The following DMRT1 variants were observed in gnomAD, a reference collection of about 807,000 sequenced individuals.
DMRT1 encodes the protein doublesex and mab-3 related transcription factor 1, also known as doublesex- and mab-3-related transcription factor 1.
DMRT1 carries 7 observed loss-of-function variants against 32.3 expected under a neutral mutation model. The ratio of observed to expected loss-of-function variants is 0.22; its 90% CI spans 0.12 to 0.41. The LOEUF (loss-of-function observed/expected upper bound fraction) is 0.41, where lower values mean the gene tolerates loss of function less well. DMRT1 is among the 10% of genes least tolerant of loss of function. The pLI is 1.00. For synonymous variants in DMRT1, 278 were observed against 206.1 expected (o/e 1.35, Z -2.99); for missense variants, 625 against 500.5 (o/e 1.25, Z -2.37).
rs1032211481 is a variant in DMRT1 at position 875,101 on chromosome 9, C to T, written c.539-18811C>T. Among the ~76,000 whole-genome samples the T allele has an allele frequency of 6.6e-5, 10 of 152,228 alleles. 1 individual carries two copies. Among genetic ancestry groups the T allele is most frequent in the East Asian group, 1.9e-4 (1 of 5,182 alleles). On this transcript the variant is annotated intron_variant, in intron 2 of 4. Transcript: ENST00000382276. ...CTGGGATTACAGGCGTGAGCCACCG[C>T]GCCCGGCCAACACTTAATCTTAAAA...
At chr9:907,500 C>T (rs1410354333) in intron 3 of DMRT1, among the ~76,000 whole-genome samples, 1 of 152,156 alleles carries the variant, frequency 6.6e-6, no homozygotes, top group Non-Finnish European at 1.5e-5. Context: ...CTGATATGCA[C>T]CAAGACCCTT....
chr9:876,257 G>A (rs1179593209), intron 2 of DMRT1, among the ~76,000 whole-genome samples: 1 of 152,182 alleles, frequency 6.6e-6, no homozygotes, highest in Non-Finnish European at 1.5e-5. Flanking sequence ...CCAGAATTTA[G>A]AGGGAGCTGC....
intron 3 of DMRT1, chr9:894,583 C>T: frequency 3.3e-6 from 1 of 306,068 alleles, no homozygotes; most frequent in Non-Finnish European, 6.3e-6. Context: ...CAGCTTTGTC[C>T]CCACTTTCGT....
chr9:919,430 G>C (rs980833244), intron 4 of DMRT1, among the ~76,000 whole-genome samples: 1 of 149,792 alleles, frequency 6.7e-6, no homozygotes, highest in African/African-American at 2.5e-5. Flanking sequence ...GGGGGAGGGG[G>C]GCATTTTACA....
intron 2 of DMRT1, among the ~76,000 whole-genome samples, chr9:854,197 G>T (rs1815289850): frequency 6.6e-6 from 1 of 151,324 alleles, no homozygotes; most frequent in Non-Finnish European, 1.5e-5. Flanking sequence ...GCTCACCGTA[G>T]CCTCAAACTC....
intron 2 of DMRT1, among the ~76,000 whole-genome samples, chr9:868,538 A>G (rs2132600539): frequency 6.6e-6 from 1 of 152,318 alleles, no homozygotes; most frequent in Middle Eastern, 3.4e-3. Flanking sequence ...TCGCAGTTCC[A>G]GCTATGTTTC....
intron 2 of DMRT1, among the ~76,000 whole-genome samples, chr9:857,217 G>C (rs1250912091): frequency 6.6e-6 from 1 of 152,150 alleles, no homozygotes; most frequent in African/African-American, 2.4e-5. Flanking sequence ...AGAGGTGGGA[G>C]AATTTTCTGA....
intron 2 of DMRT1, among the ~76,000 whole-genome samples, chr9:868,037 G>A (rs139311770): frequency 2.5e-3 from 378 of 152,288 alleles, no homozygotes; most frequent in African/African-American, 8.6e-3. Context: ...GAGTGCAGTC[G>A]TGTGATCACA....
chr9:948,269 G>T (rs1187148056), intron 4 of DMRT1, among the ~76,000 whole-genome samples: 3 of 152,014 alleles, frequency 2.0e-5, no homozygotes, highest in African/African-American at 4.8e-5. Flanking sequence ...GTGCTTTAAT[G>T]AACAGTTTTT....
chr9:958,517 C>G (rs1819668833), intron 4 of DMRT1, among the ~76,000 whole-genome samples: 1 of 152,148 alleles, frequency 6.6e-6, no homozygotes, highest in Admixed American at 6.5e-5. Flanking sequence ...CAGGCGCACA[C>G]CACCACACCC....
intron 3 of DMRT1, 115 bp from the exon 4 acceptor site, chr9:916,648 A>G: frequency 7.7e-7 from 1 of 1,301,014 alleles, no homozygotes; most frequent in Non-Finnish European, 1.1e-6. Flanking sequence ...TCGGGAACAT[A>G]GGCATGAGCC....
intron 4 of DMRT1, among the ~76,000 whole-genome samples, chr9:945,384 G>C (rs1819209277): frequency 6.6e-6 from 1 of 152,150 alleles, no homozygotes. Flanking sequence ...TTGAACTCGT[G>C]ACCTCAGGTG....
intron 2 of DMRT1, among the ~76,000 whole-genome samples, chr9:860,250 T>C (rs1815596846): frequency 6.6e-6 from 1 of 152,118 alleles, no homozygotes; most frequent in Non-Finnish European, 1.5e-5. Context: ...GGAGCCGAGA[T>C]CGTGCCATTG....
At chr9:861,680 G>A (rs574267974) in intron 2 of DMRT1, among the ~76,000 whole-genome samples, 10 of 150,402 alleles carry the variant, frequency 6.6e-5, no homozygotes, top group East Asian at 4.0e-4. Flanking sequence ...CGGGGAAGCC[G>A]GGCAGAGGGG....
chr9:895,539 C>CGTAT (rs1817322359), intron 3 of DMRT1, among the ~76,000 whole-genome samples: 1 of 152,058 alleles, frequency 6.6e-6, no homozygotes, highest in South Asian at 2.1e-4. Flanking sequence ...GCTTTATTGA[C>CGTAT]GTATCATGGG....
At chr9:966,472 A>G (rs1819933560) in intron 4 of DMRT1, among the ~76,000 whole-genome samples, 2 of 152,210 alleles carry the variant, frequency 1.3e-5, no homozygotes, top group African/African-American at 2.4e-5. Flanking sequence ...GAAATTGCCT[A>G]AATTGTTTTT....
In DMRT1 at chr9:916,747, C is replaced by A. The variant is rs1772259895; in HGVS notation, c.823-16C>A. The stretch of plus-strand genomic sequence containing the variant: ...CAATGTTGATCTCAGTATATTTCTT[C>A]TTTTTTCTTAAGCAGATGAAGAACA... On this transcript the variant is annotated splice_polypyrimidine_tract_variant and intron_variant, in intron 3 of 4. Coordinates refer to ENST00000382276, the MANE Select transcript of DMRT1 (RefSeq NM_021951.3). 28 of 1,613,980 alleles carry A rather than the reference C, an allele frequency of 1.7e-5. No individual in the cohort carries two copies. The highest frequency in any genetic ancestry group is 2.4e-5 in the Non-Finnish European group (28 of 1,179,872).
chr9:873,108 C>G (rs571522501), intron 2 of DMRT1, among the ~76,000 whole-genome samples: 1 of 152,326 alleles, frequency 6.6e-6, no homozygotes, highest in African/African-American at 2.4e-5. Flanking sequence ...ATCACACCAT[C>G]CTAGTGAGCA....
At position 841,984 on chromosome 9, in the gene DMRT1, G is replaced by A. The variant is rs751287408; in HGVS notation, c.146G>A (p.Gly49Asp). The A allele has an allele frequency of 8.9e-6, 14 of 1,575,092 alleles. No individual in the cohort carries two copies. The highest frequency in any genetic ancestry group is 2.3e-5 in the East Asian group (1 of 43,128). The change falls in exon 1 of 5, where the codon GGC (glycine) becomes GAC (aspartate). Residue 49 changes from glycine (G) to aspartate (D), a missense_variant. By Grantham distance (94) the Gly-to-Asp change is moderately conservative (BLOSUM62 -1). This residue lies in a region of DMRT1 where 201 missense variants were observed against 152.0 expected (regional missense o/e 1.32). Transcript: ENST00000382276. ...VGAASGSSAGGSSRGGGSGSG... is the reference protein window; with the variant it reads ...VGAASGSSAGDSSRGGGSGSG... The stretch of plus-strand genomic sequence containing the variant: ...GCGGCCAGCGGCTCGAGCGCCGGGG[G>A]CAGCAGCAGAGGAGGCGGCTCCGGC...
Sources: gnomAD v4.1 joint callset for allele counts (sites outside exome capture counted in the v4.1 genomes callset) on GRCh38, gnomAD v4.1.1 for gene constraint, gnomAD v4.1.1 regional missense constraint, MANE v1.5 for transcripts, NCBI Gene and HGNC (gene_info 2026-07-23, HGNC 2026-07-21) for gene names.